The following HS2ST1 variants were observed in gnomAD, a reference collection of about 807,000 sequenced individuals.
The protein encoded by HS2ST1 is heparan sulfate 2-O-sulfotransferase 1.
In HS2ST1, 18 loss-of-function variants were observed where a neutral mutation model predicts 42.9. The ratio of observed to expected loss-of-function variants is 0.42; its 90% CI spans 0.29 to 0.62. The LOEUF (loss-of-function observed/expected upper bound fraction) is 0.62, where lower values mean the gene tolerates loss of function less well. HS2ST1 is among the 20% of genes least tolerant of loss of function. The pLI is 0.21. For missense variants in HS2ST1, 334 were observed against 433.8 expected (o/e 0.77, Z 2.04); for synonymous variants, 146 against 152.9 (o/e 0.95, Z 0.33).
intron 1 of HS2ST1, among the ~76,000 whole-genome samples, chr1:86,985,553 T>TACACACAC (rs71082055): frequency 1.6e-4 from 6 of 37,436 alleles, no homozygotes; most frequent in Admixed American, 4.4e-4. Context: ...CACATATATA[T>TACACACAC]ACACACACAC....
At chr1:87,007,742 A>G (rs1028538039) in intron 1 of HS2ST1, among the ~76,000 whole-genome samples, 5 of 152,154 alleles carry the variant, frequency 3.3e-5, no homozygotes, top group African/African-American at 1.2e-4. Flanking sequence ...TTTATGCACA[A>G]TGCTAATGCA....
chr1:86,943,151 C>T (rs903637959), intron 1 of HS2ST1, among the ~76,000 whole-genome samples: 13 of 152,012 alleles, frequency 8.6e-5, no homozygotes, highest in Non-Finnish European at 1.5e-4. Flanking sequence ...TTAGATTCTC[C>T]TAACTAAAAG....
At chr1:87,009,202 C>T (rs1426230789) in intron 1 of HS2ST1, among the ~76,000 whole-genome samples, 1 of 152,180 alleles carries the variant, frequency 6.6e-6, no homozygotes, top group Non-Finnish European at 1.5e-5. Context: ...TCACTATTAC[C>T]TCTGTTATGT....
At chr1:87,008,256 G>T (rs912720389) in intron 1 of HS2ST1, among the ~76,000 whole-genome samples, 2 of 152,094 alleles carry the variant, frequency 1.3e-5, no homozygotes, top group Non-Finnish European at 2.9e-5. Flanking sequence ...TTAAAAATAA[G>T]AAAAGTCCAG....
At chr1:86,924,800 A>T in intron 1 of HS2ST1, among the ~76,000 whole-genome samples, 1 of 152,054 alleles carries the variant, frequency 6.6e-6, no homozygotes, top group Non-Finnish European at 1.5e-5. Flanking sequence ...TGGGCCTGTG[A>T]TGGGGGGGCA....
In HS2ST1 at chr1:86,914,933, T is replaced by A. The variant is rs1660106930; in HGVS notation, c.-104T>A. The A allele has an allele frequency of 6.9e-7, 1 of 1,449,308 alleles. No individual in the cohort carries two copies. The highest frequency in any genetic ancestry group is 9.5e-7 in the Non-Finnish European group (1 of 1,047,796). 89.8% of individuals were successfully genotyped at this position (1,449,308 alleles called of 1,614,324 possible). On this transcript the variant is annotated 5_prime_UTR_variant, in exon 1 of 7. In the 5' UTR this introduces an upstream ATG that the reference lacks. Coordinates refer to ENST00000370550, the MANE Select transcript of HS2ST1 (RefSeq NM_012262.4). ...TGGTTCTCTCGCTGTCGCTCTCTCT[T>A]TGCCTCGCTCCCGGCTCGGCGGGCT...
At chr1:86,943,886 C>T (rs546143537) in intron 1 of HS2ST1, among the ~76,000 whole-genome samples, 7 of 152,064 alleles carry the variant, frequency 4.6e-5, no homozygotes, top group African/African-American at 1.7e-4. Context: ...ATTAGCTGGG[C>T]ATGGTGGCGG....
chr1:87,041,357 A>C (rs751846584), intron 1 of HS2ST1, among the ~76,000 whole-genome samples: 1 of 151,748 alleles, frequency 6.6e-6, no homozygotes, highest in Non-Finnish European at 1.5e-5. Flanking sequence ...ACTGCACTCC[A>C]GTGTGGGTTA....
At chr1:87,077,284 C>A (rs1241483527) in intron 2 of HS2ST1, among the ~76,000 whole-genome samples, 1 of 152,170 alleles carries the variant, frequency 6.6e-6, no homozygotes, top group African/African-American at 2.4e-5. Context: ...CTTACATAGA[C>A]CAAGAGGCCC....
chr1:87,010,783 G>A (rs1649577849), intron 1 of HS2ST1, among the ~76,000 whole-genome samples: 1 of 151,116 alleles, frequency 6.6e-6, no homozygotes. Flanking sequence ...GTTTTGTTTT[G>A]TTTTGTTTTG....
At chr1:86,956,112 G>A (rs976360127) in intron 1 of HS2ST1, among the ~76,000 whole-genome samples, 5 of 150,886 alleles carry the variant, frequency 3.3e-5, no homozygotes, top group Admixed American at 2.0e-4. Flanking sequence ...ATGCACACAT[G>A]TGTAATTTCT....
chr1:87,103,529 A>C lies in HS2ST1; in HGVS notation c.784A>C (p.Met262Leu). 6.2e-7 allele frequency: 1 copy of C among 1,612,610 alleles called. No homozygotes were observed. Among genetic ancestry groups the C allele is most frequent in the Non-Finnish European group, 8.5e-7 (1 of 1,179,334 alleles). ...TACTGAAGAACTTGAAGATTTTATC[A>C]TGTTATTGGAGGCAGCATTGCCCCG... ...GVTEELEDFI[M>L]LLEAALPRFF... The change falls in exon 6 of 7, where the codon ATG (methionine) becomes CTG (leucine). Residue 262 changes from methionine (M) to leucine (L), a missense_variant. Met to Leu is a conservative substitution (Grantham distance 15). Coordinates refer to ENST00000370550, the MANE Select transcript of HS2ST1 (RefSeq NM_012262.4).
intron 1 of HS2ST1, among the ~76,000 whole-genome samples, chr1:86,923,031 G>C (rs1170317549): frequency 6.6e-6 from 1 of 152,142 alleles, no homozygotes; most frequent in African/African-American, 2.4e-5. Context: ...TTTTGTGTGT[G>C]TGTGTGTTGT....
chr1:87,033,433 G>A (rs1353730177), intron 1 of HS2ST1, among the ~76,000 whole-genome samples: 1 of 152,208 alleles, frequency 6.6e-6, no homozygotes, highest in Non-Finnish European at 1.5e-5. Context: ...CTTAGATTCT[G>A]TGCAGTGTAT....
At chr1:86,943,651 T>C (rs1393149829) in intron 1 of HS2ST1, among the ~76,000 whole-genome samples, 1 of 151,538 alleles carries the variant, frequency 6.6e-6, no homozygotes, top group Admixed American at 6.6e-5. Context: ...CCCTGGGAGA[T>C]TGAGAGTACA....
rs138262837 is a variant in HS2ST1, at chr1:86,918,805, T to C, written c.124+3645T>C. Among the ~76,000 whole-genome samples the C allele has an allele frequency of 3.8e-3, 579 of 152,074 alleles. 4 individuals are homozygous for C. The highest frequency in any genetic ancestry group is 0.02 in the Middle Eastern group (6 of 294). ...GCTGTGAAATGATATATTCAATTAA[T>C]TTACCTTCTAATTTCTAGGTAGGTT... On this transcript the variant is annotated intron_variant, in intron 1 of 6. Coordinates refer to ENST00000370550, the MANE Select transcript of HS2ST1 (RefSeq NM_012262.4).
intron 1 of HS2ST1, among the ~76,000 whole-genome samples, chr1:87,040,711 A>G (rs1016798319): frequency 1.3e-5 from 2 of 152,178 alleles, no homozygotes; most frequent in African/African-American, 4.8e-5. Flanking sequence ...AATTAGGCAC[A>G]TAGGCAAGAG....
intron 1 of HS2ST1, among the ~76,000 whole-genome samples, chr1:87,006,972 G>A (rs10873813): frequency 0.98 from 149,778 of 152,192 alleles, 73,748 homozygotes; most frequent in Middle Eastern, 1. Flanking sequence ...TGAAATAGCA[G>A]TCTTATAAAA....
intron 1 of HS2ST1, among the ~76,000 whole-genome samples, chr1:86,953,799 G>T (rs1647593089): frequency 6.6e-6 from 1 of 151,704 alleles, no homozygotes; most frequent in Admixed American, 6.6e-5. Flanking sequence ...AATGACATGG[G>T]ACTCTTCCTT....
Sources: gnomAD v4.1 joint callset for allele counts (sites outside exome capture counted in the v4.1 genomes callset) on GRCh38, gnomAD v4.1.1 for gene constraint, MANE v1.5 for transcripts, NCBI Gene and HGNC (gene_info 2026-07-23, HGNC 2026-07-21) for gene names.